Variants in ALKAL1 observed in about 807,000 individuals in gnomAD.
ALKAL1 encodes the protein AUG-beta.
ALKAL1 carries 23 observed loss-of-function variants against 13.5 expected under a neutral mutation model. The observed-to-expected ratio is 1.70, with a 90% CI of 1.23 to 2.41. The LOEUF (loss-of-function observed/expected upper bound fraction) is 2.41. Ranked by LOEUF, ALKAL1 falls within the 30% of genes most tolerant of loss-of-function variation. The probability of loss-of-function intolerance (pLI) is 0.00; values close to 1 mark genes in which losing one functional copy is unlikely to be tolerated. For synonymous variants in ALKAL1, 85 were observed against 77.7 expected (o/e 1.09, Z -0.49); for missense variants, 181 against 178.4 (o/e 1.01, Z -0.08).
intron 1 of ALKAL1, 72 bp downstream of exon 1, chr8:52,564,995 G>T: frequency 4.1e-6 from 5 of 1,222,590 alleles, no homozygotes; most frequent in Non-Finnish European, 5.2e-6. Flanking sequence ...CGAGTGCCTC[G>T]CCCAGCTCCT....
chr8:52,544,069 A>G (rs184860516), intron 1 of ALKAL1, among the ~76,000 whole-genome samples: 1 of 152,026 alleles, frequency 6.6e-6, no homozygotes, highest in African/African-American at 2.4e-5. Flanking sequence ...CCCCACAATT[A>G]TGGCTTCCTG....
chr8:52,559,785 A>G (rs533568765), intron 1 of ALKAL1, among the ~76,000 whole-genome samples: 1 of 152,316 alleles, frequency 6.6e-6, no homozygotes, highest in South Asian at 2.1e-4. Flanking sequence ...GTAGGAAGTA[A>G]ATAAGACAAT....
At chr8:52,535,858 A>G (rs1424873249) in intron 4 of ALKAL1, among the ~76,000 whole-genome samples, 1 of 152,190 alleles carries the variant, frequency 6.6e-6, no homozygotes, top group Non-Finnish European at 1.5e-5. Flanking sequence ...ATCTCCATGC[A>G]GTTATGTGGG....
intron 1 of ALKAL1, among the ~76,000 whole-genome samples, chr8:52,563,415 G>A (rs570603152): frequency 6.6e-6 from 1 of 152,126 alleles, no homozygotes. Flanking sequence ...TGGGAGACAG[G>A]AGCGAAACTC....
At chr8:52,538,544 T>G in intron 3 of ALKAL1, 37 bp from the exon 4 acceptor site, 1 of 1,322,962 alleles carries the variant, frequency 7.6e-7, no homozygotes, top group Non-Finnish European at 1.1e-6. Flanking sequence ...ATATATAGAG[T>G]TACTAGAAAT....
At chr8:52,534,664 T>C in intron 4 of ALKAL1, 64 bp from the exon 5 acceptor site, 2 of 506,336 alleles carry the variant, frequency 3.9e-6, no homozygotes, top group Non-Finnish European at 3.4e-6. Context: ...TATAAATATG[T>C]ACAGTTTCAA....
chr8:52,540,701 C>T (rs1847304559), intron 2 of ALKAL1, among the ~76,000 whole-genome samples: 1 of 152,160 alleles, frequency 6.6e-6, no homozygotes, highest in Non-Finnish European at 1.5e-5. Flanking sequence ...CACCATTGCA[C>T]TCCAGCCTGA....
chr8:52,547,268 C>T (rs552710345), intron 1 of ALKAL1, among the ~76,000 whole-genome samples: 2 of 152,194 alleles, frequency 1.3e-5, no homozygotes, highest in African/African-American at 4.8e-5. Context: ...GAGGCTGAGG[C>T]AGGTGGATCA....
chr8:52,540,464 G>A (rs1447486045), intron 2 of ALKAL1, among the ~76,000 whole-genome samples: 1 of 152,114 alleles, frequency 6.6e-6, no homozygotes, highest in Non-Finnish European at 1.5e-5. Flanking sequence ...GATGGCTCGT[G>A]TCTGTAATCC....
At chr8:52,557,576 T>C (rs1406710980) in intron 1 of ALKAL1, among the ~76,000 whole-genome samples, 1 of 152,254 alleles carries the variant, frequency 6.6e-6, no homozygotes, top group Non-Finnish European at 1.5e-5. Context: ...AGACTTTTTT[T>C]AACGGTTGGC....
intron 1 of ALKAL1, among the ~76,000 whole-genome samples, chr8:52,555,517 T>C (rs1403421030): frequency 6.6e-6 from 1 of 152,068 alleles, no homozygotes; most frequent in East Asian, 1.9e-4. Context: ...AATATATAAA[T>C]TTAAAGGACA....
chr8:52,538,599 A>G, intron 3 of ALKAL1, 92 bp from the exon 4 acceptor site: 1 of 802,258 alleles, frequency 1.2e-6, no homozygotes, highest in Non-Finnish European at 2.1e-6. Flanking sequence ...ATATAACAAT[A>G]ACTACAGTTT....
chr8:52,546,236 G>A (rs964662408), intron 1 of ALKAL1, among the ~76,000 whole-genome samples: 3 of 152,144 alleles, frequency 2.0e-5, no homozygotes, highest in African/African-American at 7.2e-5. Context: ...GATCCAGCTT[G>A]CTCCTGTGTT....
intron 4 of ALKAL1, among the ~76,000 whole-genome samples, chr8:52,537,967 G>A (rs759818346): frequency 7.9e-5 from 12 of 151,962 alleles, no homozygotes; most frequent in East Asian, 3.9e-4. Flanking sequence ...ATGGTGGCAC[G>A]TGCCTGTAGT....
At chr8:52,536,927 T>C (rs950147822) in intron 4 of ALKAL1, among the ~76,000 whole-genome samples, 1 of 152,208 alleles carries the variant, frequency 6.6e-6, no homozygotes, top group African/African-American at 2.4e-5. Flanking sequence ...AGTTTTAACA[T>C]TTAGTGAAAA....
At chr8:52,555,366 C>T (rs866507369) in intron 1 of ALKAL1, among the ~76,000 whole-genome samples, 6 of 152,020 alleles carry the variant, frequency 3.9e-5, no homozygotes, top group Non-Finnish European at 7.4e-5. Flanking sequence ...TTGACATCTT[C>T]GGGTTTTGCT....
intron 1 of ALKAL1, among the ~76,000 whole-genome samples, chr8:52,542,764 G>A (rs1226862914): frequency 6.6e-6 from 1 of 152,192 alleles, no homozygotes; most frequent in African/African-American, 2.4e-5. Context: ...TGACTGAAGT[G>A]GCATCACTCT....
intron 1 of ALKAL1, among the ~76,000 whole-genome samples, chr8:52,560,714 A>G (rs1302116792): frequency 6.6e-6 from 1 of 152,192 alleles, no homozygotes; most frequent in Non-Finnish European, 1.5e-5. Context: ...AATTCCTACA[A>G]GAAATACTGT....
At chr8:52,564,355 C>T (rs1440731980) in intron 1 of ALKAL1, among the ~76,000 whole-genome samples, 1 of 152,184 alleles carries the variant, frequency 6.6e-6, no homozygotes, top group East Asian at 1.9e-4. Context: ...CGGCCGCCCC[C>T]TCGGACCTCC....
Sources: gnomAD v4.1 joint callset for allele counts (sites outside exome capture counted in the v4.1 genomes callset) on GRCh38, gnomAD v4.1.1 for gene constraint, MANE v1.5 for transcripts, NCBI Gene and HGNC (gene_info 2026-07-23, HGNC 2026-07-21) for gene names.